CSMD1: variants seen among roughly 807,000 people sequenced by gnomAD.
The protein encoded by CSMD1 is CUB and sushi domain-containing protein 1.
CSMD1 carries 213 observed loss-of-function variants against 417.5 expected under a neutral mutation model. The observed-to-expected ratio is 0.51, with a 90% confidence interval of 0.46 to 0.57. CSMD1 has a LOEUF of 0.57. Ranked by LOEUF, CSMD1 falls within the 20% of genes least tolerant of loss-of-function variation. The probability of loss-of-function intolerance (pLI) is 0.00; values close to 1 mark genes in which losing one functional copy is unlikely to be tolerated. For missense variants in CSMD1, 6,923 were observed against 4,529.7 expected (o/e 1.53, Z -15.17); for synonymous variants, 2,862 against 1,736.8 (o/e 1.65, Z -16.11).
intron 5 of CSMD1, among the ~76,000 whole-genome samples, chr8:3,846,220 C>G (rs1009647017): frequency 6.6e-6 from 1 of 152,118 alleles, no homozygotes; most frequent in Non-Finnish European, 1.5e-5. Context: ...TTTGTTGCCA[C>G]CAGCATCATC....
intron 1 of CSMD1, among the ~76,000 whole-genome samples, chr8:4,918,837 A>G (rs1423748479): frequency 6.6e-6 from 1 of 152,252 alleles, no homozygotes; most frequent in African/African-American, 2.4e-5. Context: ...ATATGCAGAT[A>G]TATATTGTTC....
intron 37 of CSMD1, among the ~76,000 whole-genome samples, chr8:3,167,004 G>C (rs867167173): frequency 1.6e-4 from 24 of 151,966 alleles, no homozygotes; most frequent in Non-Finnish European, 2.9e-5. Flanking sequence ...GTGGTTCACA[G>C]GGCGGGGCAC....
At chr8:4,601,770 C>G (rs1438319542) in intron 2 of CSMD1, among the ~76,000 whole-genome samples, 2 of 152,296 alleles carry the variant, frequency 1.3e-5, no homozygotes, top group African/African-American at 4.8e-5. Flanking sequence ...GCCCCATTAA[C>G]TTTGACCAAA....
chr8:4,742,956 T>G (rs1810719919), intron 1 of CSMD1, among the ~76,000 whole-genome samples: 2 of 152,204 alleles, frequency 1.3e-5, no homozygotes, highest in South Asian at 4.1e-4. Flanking sequence ...AAAAGTGCAT[T>G]ATCTACAACT....
At chr8:3,481,943 A>T (rs1817772350) in intron 11 of CSMD1, among the ~76,000 whole-genome samples, 1 of 152,226 alleles carries the variant, frequency 6.6e-6, no homozygotes, top group African/African-American at 2.4e-5. Context: ...AATATTCTAT[A>T]GTAACAGTAG....
intron 3 of CSMD1, among the ~76,000 whole-genome samples, chr8:4,377,976 G>T (rs1299747745): frequency 1.3e-5 from 2 of 152,128 alleles, no homozygotes; most frequent in African/African-American, 4.8e-5. Context: ...TAGAATTGTA[G>T]TGCTGTCAAC....
intron 5 of CSMD1, among the ~76,000 whole-genome samples, chr8:3,796,140 A>G (rs918409733): frequency 0.011 from 68 of 5,946 alleles, 18 homozygotes; most frequent in African/African-American, 0.037. Context: ...TATATCTATC[A>G]TAGATATAGA....
intron 2 of CSMD1, among the ~76,000 whole-genome samples, chr8:4,532,221 C>G (rs1434922208): frequency 6.2e-5 from 9 of 145,858 alleles, no homozygotes; most frequent in Non-Finnish European, 1.5e-5. Context: ...CACCCCCATT[C>G]ACAGTCACTC....
Position 4,900,100 on chromosome 8 carries a change from C to T in CSMD1, c.85+94232G>A, listed in dbSNP as rs1469578539. On this transcript the variant is annotated intron_variant, in intron 1 of 69. Transcript: ENST00000635120. ...CCTTCTGCTTCCACTGCAGACTCACCTTCCACCTTCCCATGCCTGGCTTTT... is the reference window on the plus strand; with the variant it reads ...CCTTCTGCTTCCACTGCAGACTCACTTTCCACCTTCCCATGCCTGGCTTTT... 2.0e-5 allele frequency among the ~76,000 whole-genome samples: 3 copies of T among 152,152 alleles called. No homozygotes were observed. The East Asian group carries it at 5.8e-4, about 29-fold the overall frequency.
At chr8:4,837,934 T>G (rs547840557) in intron 1 of CSMD1, among the ~76,000 whole-genome samples, 4 of 151,828 alleles carry the variant, frequency 2.6e-5, no homozygotes, top group African/African-American at 9.7e-5. Context: ...AAGACAGATA[T>G]AGACACAATC....
At chr8:4,615,809 A>T (rs1341411968) in intron 2 of CSMD1, among the ~76,000 whole-genome samples, 1 of 152,152 alleles carries the variant, frequency 6.6e-6, no homozygotes, top group Non-Finnish European at 1.5e-5. Context: ...TTTCCATCTT[A>T]TTCCTGATAA....
At chr8:4,229,544 T>C (rs551155018) in intron 3 of CSMD1, among the ~76,000 whole-genome samples, 8 of 152,272 alleles carry the variant, frequency 5.3e-5, no homozygotes, top group African/African-American at 1.9e-4. Context: ...TTTCTCACAC[T>C]TACCCAGCAT....
intron 3 of CSMD1, among the ~76,000 whole-genome samples, chr8:4,323,495 A>AGC (rs1799384211): frequency 6.7e-6 from 1 of 150,106 alleles, no homozygotes; most frequent in African/African-American, 2.5e-5. Context: ...TTTCTCTGAA[A>AGC]CCTGTTATCA....
chr8:3,861,680 A>T (rs578090416), intron 5 of CSMD1, among the ~76,000 whole-genome samples: 1 of 152,296 alleles, frequency 6.6e-6, no homozygotes, highest in Admixed American at 6.5e-5. Flanking sequence ...GGTCCAGAGA[A>T]TAGGGTTTTT....
intron 49 of CSMD1, among the ~76,000 whole-genome samples, chr8:3,079,875 G>C (rs1813958583): frequency 6.6e-6 from 1 of 151,978 alleles, no homozygotes; most frequent in African/African-American, 2.4e-5. Flanking sequence ...GATACACACA[G>C]ACATATCCAC....
intron 3 of CSMD1, among the ~76,000 whole-genome samples, chr8:4,380,527 G>A (rs1383550703): frequency 2.0e-5 from 3 of 152,216 alleles, no homozygotes; most frequent in Non-Finnish European, 4.4e-5. Flanking sequence ...GGAGCCCAAG[G>A]AGACGTGACG....
At chr8:4,081,729 G>C (rs1271666799) in intron 3 of CSMD1, among the ~76,000 whole-genome samples, 3 of 152,064 alleles carry the variant, frequency 2.0e-5, no homozygotes, top group African/African-American at 7.2e-5. Context: ...GACCAAATTA[G>C]GAAAAGGTAA....
chr8:3,802,530 C>A (rs1800515438), intron 5 of CSMD1, among the ~76,000 whole-genome samples: 1 of 152,068 alleles, frequency 6.6e-6, no homozygotes, highest in South Asian at 2.1e-4. Flanking sequence ...GTGGGAAATA[C>A]ATTTAGCAGA....
intron 31 of CSMD1, among the ~76,000 whole-genome samples, 174 bp from the exon 32 acceptor site, chr8:3,201,899 C>A (rs1797010718): frequency 1.3e-5 from 2 of 151,956 alleles, no homozygotes; most frequent in African/African-American, 4.8e-5. Context: ...GTTGACAAAA[C>A]TATTTTACTT....
Sources: gnomAD v4.1 joint callset for allele counts (sites outside exome capture counted in the v4.1 genomes callset) on GRCh38, gnomAD v4.1.1 for gene constraint, MANE v1.5 for transcripts, NCBI Gene and HGNC (gene_info 2026-07-23, HGNC 2026-07-21) for gene names.